Variants in MEP1B observed in about 807,000 individuals in gnomAD.
MEP1B encodes the protein meprin A subunit beta.
MEP1B carries 80 observed loss-of-function variants against 84.6 expected under a neutral mutation model. That is an observed-to-expected ratio of 0.95 (90% confidence interval 0.79 to 1.14). MEP1B has a LOEUF of 1.14. MEP1B is among the 50% of genes most tolerant of loss of function. MEP1B has a pLI of 0.00. For missense variants in MEP1B, 766 were observed against 855.1 expected, an observed-to-expected ratio of 0.90 and a Z score of 1.30; for synonymous variants, 273 against 288.1, an observed-to-expected ratio of 0.95 and a Z score of 0.53.
At chr18:32,204,966 T>TTA (rs1267612706) in intron 7 of MEP1B, among the ~76,000 whole-genome samples, 2 of 152,158 alleles carry the variant, frequency 1.3e-5, no homozygotes, top group African/African-American at 2.4e-5. Context: ...TTACCTCTCA[T>TTA]TAGGCCCCAC....
At position 32,220,296 on chromosome 18, in the gene MEP1B, T is replaced by A; in HGVS notation, c.*51T>A. 23 of 1,569,774 alleles carry A rather than the reference T, an allele frequency of 1.5e-5. No individual in the cohort carries two copies. Among genetic ancestry groups the A allele is most frequent in the Non-Finnish European group, 1.7e-5 (20 of 1,147,926 alleles). ...TAATGAAATTAAAAAGGATTCTTCATCATGGATTTCGCCTAAGTGATATTA... is the reference window on the plus strand; with the variant it reads ...TAATGAAATTAAAAAGGATTCTTCAACATGGATTTCGCCTAAGTGATATTA... On this transcript the variant is annotated 3_prime_UTR_variant, in exon 15 of 15. Coordinates refer to ENST00000269202, the MANE Select transcript of MEP1B (RefSeq NM_005925.3).
chr18:32,216,945 T>C (rs2041096223), intron 12 of MEP1B, 46 bp from the exon 13 acceptor site: 1 of 1,580,194 alleles, frequency 6.3e-7, no homozygotes. Context: ...CAAATGATTG[T>C]TAAACAAAAG....
chr18:32,194,837 T>C (rs940581703), intron 4 of MEP1B, among the ~76,000 whole-genome samples: 5 of 152,152 alleles, frequency 3.3e-5, no homozygotes, highest in Non-Finnish European at 5.9e-5. Flanking sequence ...TTTTTTTTTT[T>C]ACATACTCTT....
intron 9 of MEP1B, among the ~76,000 whole-genome samples, chr18:32,209,960 C>T (rs769817064): frequency 5.3e-5 from 8 of 152,154 alleles, no homozygotes; most frequent in Non-Finnish European, 1.0e-4. Context: ...AACTCTCTAC[C>T]CACCCAAGTT....
chr18:32,209,818 A>AG (rs11458150), intron 9 of MEP1B, among the ~76,000 whole-genome samples: 76,431 of 150,406 alleles, frequency 0.51, 21,482 homozygotes, highest in African/African-American at 0.77. Context: ...TAAAAAAAAA[A>AG]GGGGGGCGGG....
chr18:32,217,015 A>C lies in MEP1B; in HGVS notation c.1784A>C (p.Gln595Pro). 6.2e-7 allele frequency: 1 copy of C among 1,614,016 alleles called. No homozygotes were observed. The highest frequency in any genetic ancestry group is 1.7e-5 in the Admixed American group (1 of 60,030). ...VEDISHLNST[Q>P]IQLTPAPSVQ... ...GACATATCTCACCTCAACTCTACAC[A>C]AATCCAGCTAACACCAGCCCCTAGT... The change falls in exon 13 of 15, where the codon CAA becomes CCA. Residue 595 changes from glutamine (Q) to proline (P), a missense_variant. Gln to Pro is a moderately conservative substitution (Grantham distance 76, BLOSUM62 -1). Transcript: ENST00000269202.
intron 5 of MEP1B, among the ~76,000 whole-genome samples, chr18:32,197,504 C>T (rs1271884767): frequency 1.3e-5 from 2 of 149,930 alleles, no homozygotes; most frequent in Non-Finnish European, 2.9e-5. Flanking sequence ...ACTGCAGCTT[C>T]TACCTCCCAG....
chr18:32,198,782 T>A (rs1389664087), intron 5 of MEP1B, among the ~76,000 whole-genome samples: 3 of 152,086 alleles, frequency 2.0e-5, no homozygotes, highest in African/African-American at 7.2e-5. Flanking sequence ...AAATTGCAGT[T>A]TAAAATAATC....
At chr18:32,208,066 A>C in intron 8 of MEP1B, 53 bp from the exon 9 acceptor site, 1 of 1,581,728 alleles carries the variant, frequency 6.3e-7, no homozygotes, top group Non-Finnish European at 8.7e-7. Flanking sequence ...AGTTTTTGTT[A>C]CTTAGATTAT....
rs767176213 is a variant in MEP1B, at chr18:32,204,332, C to T, written c.519C>T (p.Val173=). The change falls in exon 7 of 15, where the codon GTC becomes GTT. Residue 173 remains valine (V), a synonymous_variant. Coordinates refer to ENST00000269202, the MANE Select transcript of MEP1B (RefSeq NM_005925.3). ...CGCGTTCTGACCGGGATGACTATGT[C>T]AGGATAATGTGGGACAGAATTCTGT... is the stretch of plus-strand genomic sequence containing the variant. ...EQSRSDRDDY[V]RIMWDRILSG... 12 of 1,599,142 alleles carry T rather than the reference C, an allele frequency of 7.5e-6. No individual in the cohort carries two copies. Among genetic ancestry groups the T allele is most frequent in the Non-Finnish European group, 1.0e-5 (12 of 1,173,010 alleles).
chr18:32,204,476 C>T lies in MEP1B; in HGVS notation c.547+116C>T, dbSNP rs1390709007. 3 of 887,258 alleles carry T rather than the reference C, an allele frequency of 3.4e-6. No individual in the cohort carries two copies. The African/African-American group carries it at 5.1e-5, about 15-fold the overall frequency. 55.0% of individuals were successfully genotyped at this position (887,258 alleles called of 1,614,324 possible). On this transcript the variant is annotated intron_variant, in intron 7 of 14. Transcript: ENST00000269202. ...TTTTAAAACTTTGATGTTTTGATGT[C>T]TTAATTCATTCAGCTTGAACTCATT... is the stretch of plus-strand genomic sequence containing the variant.
intron 7 of MEP1B, among the ~76,000 whole-genome samples, chr18:32,206,528 C>G (rs1162673909): frequency 1.3e-5 from 2 of 151,762 alleles, no homozygotes; most frequent in Admixed American, 1.3e-4. Context: ...TTCCCAGGCT[C>G]AGGCAATCCT....
At chr18:32,195,730 T>C (rs924019321) in intron 5 of MEP1B, among the ~76,000 whole-genome samples, 1 of 152,204 alleles carries the variant, frequency 6.6e-6, no homozygotes, top group East Asian at 1.9e-4. Context: ...CCAACGTTTA[T>C]GGAGAGCCTA....
rs1415359989 is a variant in MEP1B, at chr18:32,202,920, A to G, written c.278A>G (p.Asn93Ser). Residue 93 changes from asparagine to serine, a missense_variant, in exon 6 of 15, where the codon AAT becomes AGT. By Grantham distance (46) the Asn-to-Ser change is conservative (BLOSUM62 1). Coordinates refer to ENST00000269202, the MANE Select transcript of MEP1B (RefSeq NM_005925.3). ...LEMNAKGVIL[N>S]AFERYRLKTC... ...ATGAATGCTAAGGGAGTTATCCTCA[A>G]TGCATTTGAACGTTATCGCCTTAAA... is the stretch of plus-strand genomic sequence containing the variant. The G allele has an allele frequency of 8.1e-6, 13 of 1,611,174 alleles. No homozygotes were observed. Among genetic ancestry groups the G allele is most frequent in the Non-Finnish European group, 1.1e-5 (13 of 1,178,102 alleles).
At chr18:32,203,645 T>C (rs541822489) in intron 6 of MEP1B, among the ~76,000 whole-genome samples, 8 of 152,340 alleles carry the variant, frequency 5.3e-5, no homozygotes, top group African/African-American at 1.4e-4. Context: ...CTTGCATTGC[T>C]GTACAGAAAT....
intron 12 of MEP1B, among the ~76,000 whole-genome samples, chr18:32,215,640 C>T (rs967809526): frequency 4.6e-5 from 7 of 151,996 alleles, no homozygotes; most frequent in Non-Finnish European, 1.0e-4. Flanking sequence ...CTGGCTAACA[C>T]GGTGAAACCC....
chr18:32,213,155 T>A lies in MEP1B; in HGVS notation c.1175T>A (p.Leu392Ter). The change falls in exon 11 of 15, where the codon TTG becomes TAG. Residue 392 changes from leucine (L) to a stop codon, truncating the protein, a stop_gained. Transcript: ENST00000269202. LOFTEE classifies it high-confidence loss of function. Reference sequence around the variant, plus strand: ...AGCTGGCAACTTTATCATGTAACATTGAAAGTGACCAAGAAGTTTAGAGTG... The same window carrying A: ...AGCTGGCAACTTTATCATGTAACATAGAAAGTGACCAAGAAGTTTAGAGTG... The part of the protein sequence containing the change: ...TGSWQLYHVT[L>*]KVTKKFRVVF... 1.2e-6 allele frequency: 2 copies of A among 1,614,006 alleles called. No homozygotes were observed. The highest frequency in any genetic ancestry group is 1.7e-5 in the Admixed American group (1 of 60,024).
rs767872711 is a variant in MEP1B, at chr18:32,220,255, C to T, written c.*10C>T. The T allele has an allele frequency of 1.6e-5, 26 of 1,607,866 alleles. No individual in the cohort carries two copies. Among genetic ancestry groups the T allele is most frequent in the East Asian group, 4.5e-5 (2 of 44,800 alleles). ...GCAGCATGCTTTTTGAAGATTAACT[C>T]GACAATATGGCCAGCTAATGAAATT... On this transcript the variant is annotated 3_prime_UTR_variant, in exon 15 of 15. Coordinates refer to ENST00000269202, the MANE Select transcript of MEP1B (RefSeq NM_005925.3).
In MEP1B at chr18:32,213,295, C is replaced by G. The variant is rs377012654; in HGVS notation, c.1315C>G (p.Gln439Glu). 6.2e-7 allele frequency: 1 copy of G among 1,613,992 alleles called. No homozygotes were observed. The highest frequency in any genetic ancestry group is 1.3e-5 in the African/African-American group (1 of 75,054). Residue 439 changes from glutamine to glutamate, a missense_variant, in exon 11 of 15, where the codon CAG (glutamine) becomes GAG (glutamate). Coordinates refer to ENST00000269202, the MANE Select transcript of MEP1B (RefSeq NM_005925.3). ...TATCTGGCATATAAGGAATTTCACA[C>G]AGTTCATTGGCAGCCCAAATGGAAC... ...HHIWHIRNFT[Q>E]FIGSPNGTLY...
Sources: gnomAD v4.1 joint callset for allele counts (sites outside exome capture counted in the v4.1 genomes callset) on GRCh38, gnomAD v4.1.1 for gene constraint, MANE v1.5 for transcripts, NCBI Gene and HGNC (gene_info 2026-07-23, HGNC 2026-07-21) for gene names.